The following DOCK3 variants were observed in gnomAD, a reference collection of about 807,000 sequenced individuals.
The protein encoded by DOCK3 is dedicator of cytokinesis protein 3.
A neutral mutation model predicts 265.6 loss-of-function variants in DOCK3; 60 were observed. That is an observed-to-expected ratio of 0.23 (90% CI 0.18 to 0.28). The LOEUF (loss-of-function observed/expected upper bound fraction) is 0.28, where lower values mean the gene tolerates loss of function less well. DOCK3 is among the 10% of genes least tolerant of loss of function. DOCK3 has a pLI of 1.00. For missense variants in DOCK3, 1,981 were observed against 2,594.3 expected (o/e 0.76, Z 5.14); for synonymous variants, 881 against 938.0 (o/e 0.94, Z 1.11).
At chr3:51,175,874 C>T (rs890371176) in intron 12 of DOCK3, among the ~76,000 whole-genome samples, 1 of 152,166 alleles carries the variant, frequency 6.6e-6, no homozygotes. Flanking sequence ...TCTAGACCTT[C>T]CCATTTTCCA....
At chr3:51,291,337 AAAAG>A (rs2081760863) in intron 27 of DOCK3, among the ~76,000 whole-genome samples, 1 of 152,066 alleles carries the variant, frequency 6.6e-6, no homozygotes, top group African/African-American at 2.4e-5. Context: ...TAAAAAAAGA[AAAAG>A]AAAAGAAAAA....
intron 1 of DOCK3, among the ~76,000 whole-genome samples, chr3:50,759,410 T>C (rs1026396403): frequency 2.0e-5 from 3 of 152,152 alleles, no homozygotes; most frequent in Non-Finnish European, 4.4e-5. Flanking sequence ...CAAATGGGTA[T>C]GAAGTGGCAT....
chr3:51,208,628 G>A, intron 12 of DOCK3, 146 bp from the exon 13 acceptor site: 1 of 628,388 alleles, frequency 1.6e-6, no homozygotes. Flanking sequence ...TAGGAAATGA[G>A]CCTTGTTTAA....
chr3:51,055,297 C>G (rs558492571), intron 5 of DOCK3, among the ~76,000 whole-genome samples: 11 of 152,312 alleles, frequency 7.2e-5, no homozygotes, highest in Admixed American at 5.9e-4. Flanking sequence ...TTCTAGGCTT[C>G]AGAGATTTCT....
At chr3:50,861,062 T>C (rs929965422) in intron 3 of DOCK3, among the ~76,000 whole-genome samples, 1 of 152,186 alleles carries the variant, frequency 6.6e-6, no homozygotes, top group Non-Finnish European at 1.5e-5. Flanking sequence ...TGGGATCTCC[T>C]GATCCGAGGG....
chr3:51,141,851 C>T (rs942335424), intron 9 of DOCK3, among the ~76,000 whole-genome samples: 6 of 151,942 alleles, frequency 3.9e-5, no homozygotes, highest in Non-Finnish European at 8.8e-5. Context: ...TGTCTTGACT[C>T]TATGTTTTTG....
rs528556903 is a variant in DOCK3, at chr3:50,766,517, T to G, written c.38-12158T>G. On this transcript the variant is annotated intron_variant, in intron 1 of 52. Transcript: ENST00000266037. ...TGTGCCACATTTTCTTAATTCAGTCTATCATTGATGGACATTTTGGTTGGT... is the reference window on the plus strand; with the variant it reads ...TGTGCCACATTTTCTTAATTCAGTCGATCATTGATGGACATTTTGGTTGGT... Among the ~76,000 whole-genome samples the G allele has an allele frequency of 1.9e-4, 29 of 152,268 alleles. No homozygotes were observed. The South Asian group carries it at 5.6e-3, about 29-fold the overall frequency.
At chr3:50,705,142 T>C (rs962831933) in intron 1 of DOCK3, among the ~76,000 whole-genome samples, 1 of 152,090 alleles carries the variant, frequency 6.6e-6, no homozygotes. Flanking sequence ...TTTTCTTTTT[T>C]GTGTACTACT....
chr3:51,162,216 G>A (rs1295169083), intron 12 of DOCK3, among the ~76,000 whole-genome samples: 6 of 152,092 alleles, frequency 3.9e-5, no homozygotes, highest in Non-Finnish European at 7.4e-5. Context: ...ATATCGTATA[G>A]ATATTTTTCT....
intron 4 of DOCK3, among the ~76,000 whole-genome samples, chr3:50,924,273 CTT>C (rs2050651086): frequency 6.6e-6 from 1 of 152,156 alleles, no homozygotes; most frequent in Non-Finnish European, 1.5e-5. Context: ...AGAAACATAA[CTT>C]TATATTAGTT....
intron 1 of DOCK3, among the ~76,000 whole-genome samples, chr3:50,752,601 A>G (rs375430301): frequency 6.6e-6 from 1 of 151,252 alleles, no homozygotes; most frequent in East Asian, 1.9e-4. Context: ...ATATAGTGAA[A>G]CTCTGTCTCT....
chr3:51,379,694 A>C (rs1046037469), intron 51 of DOCK3: 3 of 924,286 alleles, frequency 3.2e-6, no homozygotes, highest in Non-Finnish European at 3.9e-6. Context: ...GCCAAAGCCA[A>C]AACACCCCCA....
chr3:50,702,440 T>C (rs1226034265), intron 1 of DOCK3, among the ~76,000 whole-genome samples: 1 of 152,160 alleles, frequency 6.6e-6, no homozygotes, highest in East Asian at 1.9e-4. Context: ...CTCGGCACAC[T>C]GCAACCTCCG....
At chr3:50,953,854 A>G (rs569286405) in intron 5 of DOCK3, among the ~76,000 whole-genome samples, 10 of 152,282 alleles carry the variant, frequency 6.6e-5, no homozygotes, top group African/African-American at 1.9e-4. Context: ...TCTTCTACAT[A>G]TATTTGAATT....
Position 51,031,142 on chromosome 3 carries a change from C to A in DOCK3, c.316-33306C>A, listed in dbSNP as rs532706765. 5.9e-5 allele frequency among the ~76,000 whole-genome samples: 9 copies of A among 152,254 alleles called. No homozygotes were observed. In the South Asian group the frequency reaches 1.7e-3, roughly 28 times the overall value. On this transcript the variant is annotated intron_variant, in intron 5 of 52. Coordinates refer to ENST00000266037, the MANE Select transcript of DOCK3 (RefSeq NM_004947.5). ...CAATTTGCTATGTCTATAACAATTACTTTTTTCTTCTATATTTTATTGTCA... is the reference window on the plus strand; with the variant it reads ...CAATTTGCTATGTCTATAACAATTAATTTTTTCTTCTATATTTTATTGTCA...
chr3:50,994,653 G>A (rs936282491), intron 5 of DOCK3, among the ~76,000 whole-genome samples: 7 of 152,214 alleles, frequency 4.6e-5, no homozygotes, highest in African/African-American at 1.7e-4. Flanking sequence ...GAAGATATCT[G>A]TAAACAGTTG....
intron 24 of DOCK3, among the ~76,000 whole-genome samples, chr3:51,274,221 A>T (rs550968697): frequency 6.6e-6 from 1 of 152,218 alleles, no homozygotes; most frequent in Non-Finnish European, 1.5e-5. Flanking sequence ...TCATGCTTCA[A>T]TTGTGTTCAT....
chr3:50,979,106 C>G (rs2108536087), intron 5 of DOCK3, among the ~76,000 whole-genome samples: 1 of 152,318 alleles, frequency 6.6e-6, no homozygotes, highest in African/African-American at 2.4e-5. Context: ...CACCCGTCTT[C>G]TGCGCCGCTC....
chr3:51,006,512 G>A (rs533901869), intron 5 of DOCK3, among the ~76,000 whole-genome samples: 1 of 152,128 alleles, frequency 6.6e-6, no homozygotes, highest in South Asian at 2.1e-4. Flanking sequence ...GTTGCCAAAG[G>A]CTTCTACCTT....
Sources: allele counts gnomAD v4.1 joint callset (sites outside exome capture counted in the v4.1 genomes callset), GRCh38; gene constraint gnomAD v4.1.1; transcripts MANE v1.5; gene names NCBI Gene and HGNC (gene_info 2026-07-23, HGNC 2026-07-21).